ZNF521: variants seen among roughly 807,000 people sequenced by gnomAD.
The protein encoded by ZNF521 is LYST-interacting protein 3.
Under a neutral mutation model 105.5 loss-of-function variants are expected in ZNF521, and 14 were observed. The observed-to-expected ratio is 0.13, with a 90% CI of 0.09 to 0.21. The LOEUF is 0.21. Ranked by LOEUF, ZNF521 falls within the 10% of genes least tolerant of loss-of-function variation. The probability of loss-of-function intolerance (pLI) is 1.00; values close to 1 mark genes in which losing one functional copy is unlikely to be tolerated. For synonymous variants in ZNF521, 635 were observed against 606.0 expected (o/e 1.05, Z -0.70); for missense variants, 1,233 against 1,629.7 (o/e 0.76, Z 4.19).
chr18:25,204,560 TG>T (rs1473329596), intron 4 of ZNF521, among the ~76,000 whole-genome samples: 29 of 152,186 alleles, frequency 1.9e-4, no homozygotes, highest in African/African-American at 6.5e-4. Context: ...CTAAGAATAA[TG>T]TTTACTTTAA....
rs1334900213 is a variant in ZNF521, at chr18:25,226,717, C to T, written c.1201G>A (p.Ala401Thr). The T allele has an allele frequency of 3.1e-6, 5 of 1,614,088 alleles. No individual in the cohort carries two copies. Among genetic ancestry groups the T allele is most frequent in the South Asian group, 1.1e-5 (1 of 91,074 alleles). The change falls in exon 4 of 8, where the codon GCA becomes ACA. Residue 401 changes from alanine (A) to threonine (T), a missense_variant. Around this residue, in one of 6 missense-constraint regions of ZNF521, gnomAD observed 380 missense variants for 478.0 expected, o/e 0.80. Coordinates refer to ENST00000361524, the MANE Select transcript of ZNF521 (RefSeq NM_015461.3). This position sits in a 1 kb window ranked among gnomAD's most constrained non-coding sequence, Gnocchi z 4.1. The part of the protein sequence containing the change: ...PDMTGPSSKQ[A>T]KVTYSCIYCN... Reference sequence around the variant, plus strand: ...TAAATACAGCTGTAGGTAACTTTTGCTTGTTTACTCGAGGGACCAGTCATG... The same window carrying T: ...TAAATACAGCTGTAGGTAACTTTTGTTTGTTTACTCGAGGGACCAGTCATG...
chr18:25,284,881 T>C (rs1910598695), intron 3 of ZNF521, among the ~76,000 whole-genome samples: 1 of 150,258 alleles, frequency 6.7e-6, no homozygotes, highest in South Asian at 2.1e-4. Flanking sequence ...TGAGAGAGAC[T>C]ACACAAACAC....
At chr18:25,317,542 G>A (rs1354154280) in intron 3 of ZNF521, among the ~76,000 whole-genome samples, 2 of 152,186 alleles carry the variant, frequency 1.3e-5, no homozygotes, top group Non-Finnish European at 2.9e-5. Context: ...TTTCTTGCTA[G>A]ATGAATATAC....
intron 3 of ZNF521, among the ~76,000 whole-genome samples, chr18:25,319,162 A>G (rs1046323777): frequency 1.3e-5 from 2 of 152,224 alleles, no homozygotes; most frequent in Non-Finnish European, 2.9e-5. Context: ...CAATGAGAGT[A>G]ATGAATTATG....
At chr18:25,274,961 A>C (rs1909935489) in intron 3 of ZNF521, among the ~76,000 whole-genome samples, 1 of 152,216 alleles carries the variant, frequency 6.6e-6, no homozygotes, top group African/African-American at 2.4e-5. Flanking sequence ...GAGAAAAAAA[A>C]GTTTCATCCC....
chr18:25,132,351 T>G (rs552331879), intron 5 of ZNF521, among the ~76,000 whole-genome samples: 2 of 152,134 alleles, frequency 1.3e-5, no homozygotes, highest in Non-Finnish European at 2.9e-5. Flanking sequence ...CAATAAATGG[T>G]AGGATGTTTA....
intron 5 of ZNF521, among the ~76,000 whole-genome samples, chr18:25,099,208 A>T (rs2033914922): frequency 6.6e-6 from 1 of 152,188 alleles, no homozygotes; most frequent in South Asian, 2.1e-4. Context: ...ATGGGAAATA[A>T]CTACTTAGCA....
intron 5 of ZNF521, among the ~76,000 whole-genome samples, chr18:25,154,562 C>T (rs1295702501): frequency 6.6e-6 from 1 of 152,156 alleles, no homozygotes; most frequent in Non-Finnish European, 1.5e-5. Flanking sequence ...CCAACCTCAT[C>T]CCAAGTGCTT....
At chr18:25,262,836 G>A (rs952977611) in intron 3 of ZNF521, among the ~76,000 whole-genome samples, 1 of 152,158 alleles carries the variant, frequency 6.6e-6, no homozygotes, top group Non-Finnish European at 1.5e-5. Context: ...TTGAGCAGCT[G>A]ATAATGCCAA....
intron 5 of ZNF521, among the ~76,000 whole-genome samples, chr18:25,096,676 C>T (rs1165482860): frequency 6.6e-6 from 1 of 152,158 alleles, no homozygotes; most frequent in Non-Finnish European, 1.5e-5. Flanking sequence ...CCCCTTATAT[C>T]GTCTGATCAA....
chr18:25,203,465 A>C (rs2036026803), intron 4 of ZNF521, among the ~76,000 whole-genome samples: 1 of 152,136 alleles, frequency 6.6e-6, no homozygotes, highest in Non-Finnish European at 1.5e-5. Context: ...AAATATTAAA[A>C]AATTAGTCAG....
At chr18:25,293,964 T>A (rs897944401) in intron 3 of ZNF521, among the ~76,000 whole-genome samples, 1 of 152,224 alleles carries the variant, frequency 6.6e-6, no homozygotes, top group Non-Finnish European at 1.5e-5. Context: ...GAGCATGAGA[T>A]GTGAACTCTA....
At chr18:25,212,550 T>TATATATATATATATACATATATAC (rs2036210410) in intron 4 of ZNF521, among the ~76,000 whole-genome samples, 7 of 109,178 alleles carry the variant, frequency 6.4e-5, no homozygotes, top group African/African-American at 2.7e-4. Flanking sequence ...TATATATATA[T>TATATATATATATATACATATATAC]ATATATATAT....
rs2035516752 is a variant in ZNF521, at chr18:25,175,221, C to T, written c.3658+19939G>A. Among the ~76,000 whole-genome samples the T allele has an allele frequency of 2.6e-5, 4 of 152,278 alleles. No individual in the cohort carries two copies. In the South Asian group the frequency reaches 8.3e-4, roughly 32 times the overall value. On this transcript the variant is annotated intron_variant, in intron 5 of 7. Coordinates refer to ENST00000361524, the MANE Select transcript of ZNF521 (RefSeq NM_015461.3). ...TGTGTCACAGGACATGATGAAGGGG[C>T]CATTCCTACCTCCGACGTATAAGTG...
At position 25,225,129 on chromosome 18, in the gene ZNF521, T is replaced by C. The variant is rs1906020870; in HGVS notation, c.2789A>G (p.Tyr930Cys). Reference protein sequence around the residue: ...KKKAELIKGNYKCNVCSRTFF... With the variant: ...KKKAELIKGNCKCNVCSRTFF... ...GGTTCGAGAGCACACGTTGCACTTGTAATTCCCTTTAATGAGCTCAGCTTT... is the reference window on the plus strand; with the variant it reads ...GGTTCGAGAGCACACGTTGCACTTGCAATTCCCTTTAATGAGCTCAGCTTT... Residue 930 changes from tyrosine to cysteine, a missense_variant, in exon 4 of 8, where the codon TAC becomes TGC. Around this residue, in one of 6 missense-constraint regions of ZNF521, gnomAD observed 614 missense variants for 751.5 expected, o/e 0.82. Transcript: ENST00000361524. The surrounding 1 kb of genome is among the most constrained non-coding windows in gnomAD (Gnocchi z 5.6). 2 of 1,614,148 alleles carry C rather than the reference T, an allele frequency of 1.2e-6. No homozygotes were observed. Among genetic ancestry groups the C allele is most frequent in the Non-Finnish European group, 1.7e-6 (2 of 1,180,018 alleles).
chr18:25,095,977 C>A (rs8096499), intron 5 of ZNF521, among the ~76,000 whole-genome samples: 142,424 of 152,192 alleles, frequency 0.94, 66,911 homozygotes, highest in Non-Finnish European at 0.98. Context: ...ACCATTGAGA[C>A]CATGCTGGAA....
chr18:25,267,058 A>ATGGG (rs1307715172), intron 3 of ZNF521, among the ~76,000 whole-genome samples: 2 of 152,092 alleles, frequency 1.3e-5, no homozygotes, highest in East Asian at 3.9e-4. Context: ...ACAGCAGTCG[A>ATGGG]AGGTTGACCT....
At chr18:25,319,620 G>C (rs536675973) in intron 3 of ZNF521, among the ~76,000 whole-genome samples, 1 of 151,540 alleles carries the variant, frequency 6.6e-6, no homozygotes, top group African/African-American at 2.4e-5. Context: ...GAAAGAAACA[G>C]TGGGTAAACA....
chr18:25,314,227 C>G (rs1040313588), intron 3 of ZNF521, among the ~76,000 whole-genome samples: 1 of 152,114 alleles, frequency 6.6e-6, no homozygotes, highest in African/African-American at 2.4e-5. Context: ...TTTCAATCTG[C>G]TTTTATGAAA....
Sources: gnomAD v4.1 joint callset for allele counts (sites outside exome capture counted in the v4.1 genomes callset) on GRCh38, gnomAD v4.1.1 for gene constraint, gnomAD v4.1.1 regional missense constraint, Gnocchi (gnomAD v3.1) non-coding constraint, MANE v1.5 for transcripts, NCBI Gene and HGNC (gene_info 2026-07-23, HGNC 2026-07-21) for gene names.